Variants in CAMTA1 observed in about 807,000 individuals in gnomAD.
CAMTA1 encodes calmodulin binding transcription activator 1, also known as calmodulin-binding transcription activator 1.
Under a neutral mutation model 170.9 loss-of-function variants are expected in CAMTA1, and 27 were observed. The observed-to-expected ratio is 0.16, with a 90% CI of 0.12 to 0.22. The LOEUF (loss-of-function observed/expected upper bound fraction) is 0.22, where lower values mean the gene tolerates loss of function less well. CAMTA1 is among the 10% of genes least tolerant of loss of function. The pLI is 1.00. For synonymous variants in CAMTA1, 833 were observed against 891.5 expected (o/e 0.93, Z 1.17); for missense variants, 1,619 against 2,217.2 (o/e 0.73, Z 5.42).
At chr1:6,790,522 C>G (rs1041953176) in intron 1 of CAMTA1, among the ~76,000 whole-genome samples, 1 of 151,982 alleles carries the variant, frequency 6.6e-6, no homozygotes, top group African/African-American at 2.4e-5. Context: ...CAGCATCGCA[C>G]TAGGCATTCT....
intron 6 of CAMTA1, among the ~76,000 whole-genome samples, chr1:7,523,600 C>T (rs1432652077): frequency 3.3e-5 from 5 of 152,082 alleles, no homozygotes; most frequent in South Asian, 2.1e-4. Flanking sequence ...CATTTTTGGC[C>T]GGGTGCGGTG....
Position 7,423,894 on chromosome 1 carries a change from G to C in CAMTA1, c.439-43936G>C, listed in dbSNP as rs148334281. Reference sequence around the variant, plus strand: ...CGGGGCGAGAGGACAGAGAGGGGAGGGACTCTGAATGCTGCTTACACCTTT... The same window carrying C: ...CGGGGCGAGAGGACAGAGAGGGGAGCGACTCTGAATGCTGCTTACACCTTT... On this transcript the variant is annotated intron_variant, in intron 5 of 22. Transcript: ENST00000303635. Among the ~76,000 whole-genome samples the C allele has an allele frequency of 4.8e-3, 735 of 152,240 alleles. 1 individual carries two copies. The highest frequency in any genetic ancestry group is 0.012 in the South Asian group (58 of 4,820).
In CAMTA1 at chr1:7,007,950, G is replaced by C. The variant is rs766469940; in HGVS notation, c.235-83354G>C. On this transcript the variant is annotated intron_variant, in intron 3 of 22. Coordinates refer to ENST00000303635, the MANE Select transcript of CAMTA1 (RefSeq NM_015215.4). The surrounding 1 kb of genome is among the most constrained non-coding windows in gnomAD (Gnocchi z 4.5). ...ATACAATTGAGTGACAGAGCCCTGC[G>C]TGGAAAGGGAGGCCCGTGTTGGTGC... is the stretch of plus-strand genomic sequence containing the variant. Among the ~76,000 whole-genome samples, 43 of 152,314 alleles carry C rather than the reference G, an allele frequency of 2.8e-4. No individual in the cohort carries two copies. The highest frequency in any genetic ancestry group is 6.8e-3 in the Middle Eastern group (2 of 294).
chr1:7,517,675 G>A, intron 6 of CAMTA1, among the ~76,000 whole-genome samples: 1 of 151,446 alleles, frequency 6.6e-6, no homozygotes, highest in East Asian at 1.9e-4. Context: ...GACGGCTGGG[G>A]CTTATTCTCA....
chr1:7,446,643 C>T (rs978967131), intron 5 of CAMTA1, among the ~76,000 whole-genome samples: 3 of 152,206 alleles, frequency 2.0e-5, no homozygotes, highest in South Asian at 2.1e-4. Context: ...CCATGTTGGC[C>T]GGACCCCTCT....
chr1:7,051,353 G>A (rs1706321431), intron 3 of CAMTA1, among the ~76,000 whole-genome samples: 1 of 152,204 alleles, frequency 6.6e-6, no homozygotes, highest in Non-Finnish European at 1.5e-5. Context: ...CCAAGAGAAG[G>A]CAGTAGGGAG....
chr1:7,385,157 T>G (rs562007823), intron 5 of CAMTA1, among the ~76,000 whole-genome samples: 91 of 151,210 alleles, frequency 6.0e-4, no homozygotes, highest in African/African-American at 2.2e-3. Flanking sequence ...TGGCGTGATC[T>G]CGGCTCACTG....
intron 3 of CAMTA1, among the ~76,000 whole-genome samples, chr1:7,024,375 C>A (rs1701776343): frequency 6.6e-6 from 1 of 152,114 alleles, no homozygotes; most frequent in Non-Finnish European, 1.5e-5. Flanking sequence ...AAAAAAACCA[C>A]CAGGAAAACA....
intron 9 of CAMTA1, 55 bp from the exon 10 acceptor site, chr1:7,670,856 C>T: frequency 3.1e-6 from 5 of 1,596,466 alleles, no homozygotes; most frequent in Non-Finnish European, 3.4e-6. Context: ...CTTCCCCATG[C>T]TGCCTCCCAC....
chr1:7,724,778 G>T (rs1405746250), intron 11 of CAMTA1, among the ~76,000 whole-genome samples: 1 of 141,530 alleles, frequency 7.1e-6, no homozygotes, highest in Non-Finnish European at 1.5e-5. Flanking sequence ...AGCCGAGATC[G>T]CACTACTGCA....
At chr1:7,297,056 G>A (rs1430209017) in intron 5 of CAMTA1, among the ~76,000 whole-genome samples, 1 of 152,140 alleles carries the variant, frequency 6.6e-6, no homozygotes, top group Non-Finnish European at 1.5e-5. Context: ...GAAAAAGAAA[G>A]CTACAAAACT....
chr1:7,279,288 A>C (rs1480287780), intron 5 of CAMTA1, among the ~76,000 whole-genome samples: 1 of 152,162 alleles, frequency 6.6e-6, no homozygotes, highest in African/African-American at 2.4e-5. Context: ...CTGGGGTGGG[A>C]GGCAGATTCA....
At chr1:7,428,961 T>C (rs143838603) in intron 5 of CAMTA1, among the ~76,000 whole-genome samples, 1,572 of 152,334 alleles carry the variant, frequency 0.01, 18 homozygotes, top group African/African-American at 0.035. Context: ...CAGATGGTTA[T>C]TGCATACAAG....
intron 5 of CAMTA1, among the ~76,000 whole-genome samples, chr1:7,442,400 G>A (rs558823142): frequency 4.9e-4 from 75 of 152,236 alleles, no homozygotes; most frequent in African/African-American, 1.7e-3. Flanking sequence ...AAAATTATTC[G>A]GAGATTGAAG....
intron 4 of CAMTA1, among the ~76,000 whole-genome samples, chr1:7,191,096 T>C (rs1046711943): frequency 2.0e-5 from 3 of 152,222 alleles, no homozygotes; most frequent in African/African-American, 7.2e-5. Context: ...GCATTTTGTT[T>C]GTTTGGCTTT....
chr1:7,648,092 G>A (rs2095822017), intron 7 of CAMTA1, among the ~76,000 whole-genome samples: 1 of 151,998 alleles, frequency 6.6e-6, no homozygotes, highest in Admixed American at 6.6e-5. Context: ...CTAAAGAAAA[G>A]AAGAGAGAGA....
chr1:7,366,484 T>G (rs1271030522), intron 5 of CAMTA1, among the ~76,000 whole-genome samples: 3 of 152,228 alleles, frequency 2.0e-5, no homozygotes, highest in Non-Finnish European at 4.4e-5. Flanking sequence ...GCTAGAATTC[T>G]TTTCTGGACT....
intron 3 of CAMTA1, among the ~76,000 whole-genome samples, chr1:6,837,381 G>A (rs903244309): frequency 6.6e-6 from 1 of 152,084 alleles, no homozygotes; most frequent in African/African-American, 2.4e-5. Flanking sequence ...CCAAGGGGAG[G>A]CTCCCCCTGG....
chr1:7,696,931 C>G (rs1393927275), intron 11 of CAMTA1, among the ~76,000 whole-genome samples: 1 of 152,192 alleles, frequency 6.6e-6, no homozygotes, highest in African/African-American at 2.4e-5. Flanking sequence ...GCAGGCTGGG[C>G]TGGGTGGGAC....
Sources: gnomAD v4.1 joint callset for allele counts (sites outside exome capture counted in the v4.1 genomes callset) on GRCh38, gnomAD v4.1.1 for gene constraint, Gnocchi (gnomAD v3.1) non-coding constraint, MANE v1.5 for transcripts, NCBI Gene and HGNC (gene_info 2026-07-23, HGNC 2026-07-21) for gene names.